The following DMRT1 variants were observed in gnomAD, a reference collection of about 807,000 sequenced individuals.
DMRT1 encodes the protein doublesex and mab-3 related transcription factor 1.
A neutral mutation model predicts 32.3 loss-of-function variants in DMRT1; 7 were observed. That is an observed-to-expected ratio of 0.22 (90% CI 0.12 to 0.41). DMRT1 has a LOEUF of 0.41. Among genes scored for constraint, DMRT1 ranks in the 10% least tolerant of loss-of-function variants. DMRT1 has a pLI of 1.00. For missense variants in DMRT1, 625 were observed against 500.5 expected, an observed-to-expected ratio of 1.25 and a Z score of -2.37; for synonymous variants, 278 against 206.1, an observed-to-expected ratio of 1.35 and a Z score of -2.99.
chr9:904,957 AAG>A (rs1554754484), intron 3 of DMRT1, among the ~76,000 whole-genome samples: 49 of 151,808 alleles, frequency 3.2e-4, no homozygotes, highest in African/African-American at 1.2e-3. Flanking sequence ...AAAAAAAAAA[AAG>A]ACACATGTAA....
intron 4 of DMRT1, among the ~76,000 whole-genome samples, chr9:943,248 A>C (rs1311971417): frequency 6.6e-6 from 1 of 152,200 alleles, no homozygotes; most frequent in Non-Finnish European, 1.5e-5. Context: ...CTGAGGATAA[A>C]ACAGAGTATT....
At chr9:851,188 A>T (rs911304121) in intron 2 of DMRT1, among the ~76,000 whole-genome samples, 3 of 152,082 alleles carry the variant, frequency 2.0e-5, no homozygotes, top group African/African-American at 7.2e-5. Flanking sequence ...CTAATACCTG[A>T]TGTCTAGTGT....
intron 2 of DMRT1, among the ~76,000 whole-genome samples, chr9:879,533 G>A (rs73372794): frequency 2.0e-5 from 3 of 152,284 alleles, no homozygotes; most frequent in Non-Finnish European, 2.9e-5. Flanking sequence ...TCAGCTTCAC[G>A]TAGATAGTTA....
At chr9:847,674 T>C (rs370339029) in intron 2 of DMRT1, among the ~76,000 whole-genome samples, 4 of 144,828 alleles carry the variant, frequency 2.8e-5, no homozygotes, top group African/African-American at 7.4e-5. Context: ...CATAGACAGT[T>C]ATGGGATTGG....
At chr9:894,312 G>A in intron 3 of DMRT1, 117 bp downstream of exon 3, 7 of 1,090,886 alleles carry the variant, frequency 6.4e-6, no homozygotes, top group Non-Finnish European at 8.4e-6. Context: ...GGCACACACA[G>A]GTGACACACA....
intron 2 of DMRT1, among the ~76,000 whole-genome samples, chr9:859,600 C>G (rs190426770): frequency 1.6e-4 from 24 of 152,318 alleles, no homozygotes; most frequent in Admixed American, 1.2e-3. Flanking sequence ...GTTTTTGAGT[C>G]TCCTATGAAA....
At chr9:958,350 CT>C (rs2129985920) in intron 4 of DMRT1, among the ~76,000 whole-genome samples, 1 of 152,294 alleles carries the variant, frequency 6.6e-6, no homozygotes, top group South Asian at 2.1e-4. Context: ...CTCATATCCA[CT>C]TAATTGCAAA....
In DMRT1 at chr9:968,613, A is replaced by AT. The variant is rs561805557; in HGVS notation, c.*481dup. The AT allele has an allele frequency of 7.5e-4, 123 of 163,172 alleles. No homozygotes were observed. The highest frequency in any genetic ancestry group is 2.8e-3 in the African/African-American group (117 of 41,466). The allele number at this position is 163,172 out of a possible 1,614,324, so 10.1% of individuals were successfully genotyped here. A position where few individuals can be genotyped will look rare whatever the true frequency, so the allele number is the denominator to read the frequency against. ...AAGAAAAGAGCAGGCAAAATTAGTG[A>AT]TTTTTTTAGAAGTCTGCTAAATGGA... On this transcript the variant is annotated 3_prime_UTR_variant, in exon 5 of 5. Coordinates refer to ENST00000382276, the MANE Select transcript of DMRT1 (RefSeq NM_021951.3).
At chr9:919,936 A>G (rs1209058079) in intron 4 of DMRT1, among the ~76,000 whole-genome samples, 2 of 152,182 alleles carry the variant, frequency 1.3e-5, no homozygotes. Context: ...GACCTGACCA[A>G]TTGGTATTTT....
intron 4 of DMRT1, among the ~76,000 whole-genome samples, chr9:946,802 A>G (rs1333470296): frequency 6.6e-6 from 1 of 152,112 alleles, no homozygotes; most frequent in Non-Finnish European, 1.5e-5. Context: ...CCTTGGTAGG[A>G]AAGATTGGGG....
intron 4 of DMRT1, among the ~76,000 whole-genome samples, chr9:917,881 GTT>G (rs976379290): frequency 2.0e-4 from 30 of 152,340 alleles, no homozygotes; most frequent in African/African-American, 6.7e-4. Context: ...AGCCTATGTA[GTT>G]TGAGCTGCAG....
chr9:946,978 A>G (rs989945604), intron 4 of DMRT1, among the ~76,000 whole-genome samples: 10 of 152,238 alleles, frequency 6.6e-5, no homozygotes, highest in African/African-American at 2.4e-4. Flanking sequence ...GAAATTCGTC[A>G]TGCAGAATTA....
intron 2 of DMRT1, among the ~76,000 whole-genome samples, chr9:889,054 G>T (rs1290210433): frequency 6.6e-6 from 1 of 152,098 alleles, no homozygotes; most frequent in East Asian, 1.9e-4. Context: ...TCAGTCTGTG[G>T]TGGGGCCCAA....
At chr9:879,386 T>A (rs1816640414) in intron 2 of DMRT1, among the ~76,000 whole-genome samples, 1 of 151,408 alleles carries the variant, frequency 6.6e-6, no homozygotes, top group African/African-American at 2.4e-5. Context: ...TTTTGCAAAT[T>A]AAAAAAAAAC....
At chr9:877,415 G>T (rs141679788) in intron 2 of DMRT1, among the ~76,000 whole-genome samples, 2 of 152,202 alleles carry the variant, frequency 1.3e-5, no homozygotes, top group Non-Finnish European at 2.9e-5. Context: ...CTAAGCATTT[G>T]GTGGGCACAT....
intron 2 of DMRT1, among the ~76,000 whole-genome samples, chr9:869,543 T>G (rs1334336621): frequency 2.0e-5 from 3 of 152,214 alleles, no homozygotes; most frequent in South Asian, 4.2e-4. Flanking sequence ...TTACTTTTAC[T>G]GTAAACTGTA....
intron 3 of DMRT1, among the ~76,000 whole-genome samples, chr9:901,748 C>G (rs984057999): frequency 4.0e-5 from 6 of 151,774 alleles, no homozygotes; most frequent in South Asian, 2.1e-4. Flanking sequence ...CTGGGAAGTT[C>G]TGGATGGAGA....
At chr9:967,928 C>T in intron 4 of DMRT1, 57 bp from the exon 5 acceptor site, 1 of 1,506,232 alleles carries the variant, frequency 6.6e-7, no homozygotes. Flanking sequence ...AGACCAGCCA[C>T]TTTTAACATT....
intron 2 of DMRT1, among the ~76,000 whole-genome samples, chr9:854,858 T>A (rs10125224): frequency 1.4e-5 from 1 of 72,190 alleles, no homozygotes; most frequent in African/African-American, 5.1e-5. Context: ...CTCCGCCTCC[T>A]GGGTTCACGC....
Sources: gnomAD v4.1 joint callset for allele counts (sites outside exome capture counted in the v4.1 genomes callset) on GRCh38, gnomAD v4.1.1 for gene constraint, MANE v1.5 for transcripts, NCBI Gene and HGNC (gene_info 2026-07-23, HGNC 2026-07-21) for gene names.